Variants in TTC21B observed in about 807,000 individuals in gnomAD.
TTC21B encodes tetratricopeptide repeat domain 21B, also known as tetratricopeptide repeat protein 21B.
Under a neutral mutation model 175.1 loss-of-function variants are expected in TTC21B, and 127 were observed. The observed-to-expected ratio is 0.73, with a 90% CI of 0.63 to 0.84. The LOEUF (loss-of-function observed/expected upper bound fraction) is 0.84. Among genes scored for constraint, TTC21B ranks in the 40% least tolerant of loss-of-function variants. TTC21B has a pLI of 0.00. For synonymous variants in TTC21B, 524 were observed against 524.5 expected (o/e 1.00, Z 0.01); for missense variants, 1,561 against 1,558.3 (o/e 1.00, Z -0.03).
At chr2:165,918,651 G>A (rs1003337955) in intron 13 of TTC21B, among the ~76,000 whole-genome samples, 2 of 152,094 alleles carry the variant, frequency 1.3e-5, no homozygotes, top group Non-Finnish European at 2.9e-5. Flanking sequence ...TCTTAACAGG[G>A]TCCATGACCC....
intron 24 of TTC21B, 133 bp downstream of exon 24, chr2:165,890,346 A>G: frequency 1.3e-6 from 1 of 785,568 alleles, no homozygotes; most frequent in Non-Finnish European, 2.1e-6. Flanking sequence ...AGGCAATGAA[A>G]TGCCTATTTA....
intron 26 of TTC21B, 143 bp downstream of exon 26, chr2:165,883,651 T>C: frequency 1.4e-6 from 1 of 700,042 alleles, no homozygotes; most frequent in Non-Finnish European, 2.4e-6. Context: ...TTAATGCTTG[T>C]TTCCTGATTG....
At chr2:165,875,136 T>G (rs559113839) in intron 28 of TTC21B, among the ~76,000 whole-genome samples, 5 of 152,290 alleles carry the variant, frequency 3.3e-5, no homozygotes, top group African/African-American at 1.2e-4. Context: ...TTTTTGTAAT[T>G]TAGCTTTTCA....
chr2:165,889,915 G>C (rs1374842076), intron 24 of TTC21B, among the ~76,000 whole-genome samples: 1 of 152,070 alleles, frequency 6.6e-6, no homozygotes, highest in African/African-American at 2.4e-5. Flanking sequence ...CCTTGCCTGA[G>C]TCAGAAGAGA....
intron 22 of TTC21B, among the ~76,000 whole-genome samples, chr2:165,895,987 T>C (rs1211758121): frequency 1.3e-5 from 2 of 152,226 alleles, no homozygotes; most frequent in African/African-American, 4.8e-5. Flanking sequence ...GGATATTTTA[T>C]TTTTAAATAC....
intron 22 of TTC21B, among the ~76,000 whole-genome samples, chr2:165,891,713 G>GA (rs1685201887): frequency 6.6e-6 from 1 of 151,502 alleles, no homozygotes; most frequent in South Asian, 2.1e-4. Context: ...TAAGCTTTGA[G>GA]AATAATTTAA....
chr2:165,898,439 T>G (rs1685444504), intron 22 of TTC21B, among the ~76,000 whole-genome samples: 1 of 152,168 alleles, frequency 6.6e-6, no homozygotes, highest in Admixed American at 6.5e-5. Flanking sequence ...GTAGTTCGAA[T>G]CAATGAATTC....
At chr2:165,896,406 C>G (rs1342618121) in intron 22 of TTC21B, among the ~76,000 whole-genome samples, 1 of 152,016 alleles carries the variant, frequency 6.6e-6, no homozygotes, top group Non-Finnish European at 1.5e-5. Context: ...ATTCTGGAAA[C>G]ACAGCAGTGA....
intron 19 of TTC21B, among the ~76,000 whole-genome samples, chr2:165,905,587 C>A (rs552508626): frequency 1.3e-5 from 2 of 152,076 alleles, no homozygotes; most frequent in East Asian, 1.9e-4. Context: ...ACTTAATTCA[C>A]CAGGAAGATA....
rs976616051 is a variant in TTC21B at position 165,874,352 on chromosome 2, T to C, written c.*403A>G. 3 of 156,364 alleles carry C rather than the reference T, an allele frequency of 1.9e-5. No individual in the cohort carries two copies. The highest frequency in any genetic ancestry group is 7.2e-5 in the African/African-American group (3 of 41,408). 9.7% of individuals were successfully genotyped at this position (156,364 alleles called of 1,614,324 possible). On this transcript the variant is annotated 3_prime_UTR_variant, in exon 29 of 29. Coordinates refer to ENST00000243344, the MANE Select transcript of TTC21B (RefSeq NM_024753.5). Reference sequence around the variant, plus strand: ...CAGATCAAGGCTCTGTCTTTAAAAATAAATAAATAAATAAAAGAATATAAC... The same window carrying C: ...CAGATCAAGGCTCTGTCTTTAAAAACAAATAAATAAATAAAAGAATATAAC...
chr2:165,943,170 T>G, intron 5 of TTC21B, 49 bp downstream of exon 5: 1 of 1,594,936 alleles, frequency 6.3e-7, no homozygotes, highest in Non-Finnish European at 8.6e-7. Flanking sequence ...TTCAAATATA[T>G]TATGAATATA....
At chr2:165,894,875 T>A (rs1005675257) in intron 22 of TTC21B, among the ~76,000 whole-genome samples, 3 of 152,144 alleles carry the variant, frequency 2.0e-5, no homozygotes, top group African/African-American at 7.2e-5. Flanking sequence ...TTTAGTAAAA[T>A]ACTATAAGTA....
chr2:165,892,559 C>T (rs1240375308), intron 22 of TTC21B, among the ~76,000 whole-genome samples: 1 of 152,146 alleles, frequency 6.6e-6, no homozygotes, highest in African/African-American at 2.4e-5. Flanking sequence ...AAAATTTTGA[C>T]ATACACTACA....
chr2:165,917,208 T>C (rs375359173), intron 14 of TTC21B, 49 bp downstream of exon 14: 42 of 1,531,636 alleles, frequency 2.7e-5, no homozygotes, highest in Non-Finnish European at 3.5e-5. Context: ...ATATATATGT[T>C]AGAATAAGAA....
chr2:165,919,451 GC>G lies in TTC21B; in HGVS notation c.1517-19del, dbSNP rs1304655465. The G allele has an allele frequency of 2.5e-6, 4 of 1,611,880 alleles. No homozygotes were observed. In the African/African-American group the frequency reaches 5.3e-5, roughly 22 times the overall value. The stretch of plus-strand genomic sequence containing the variant: ...AATATCACCTAATAAGAAAAACAAT[GC>G]ATTGTTATAATTCAAATGATTAAGA... On this transcript the variant is annotated intron_variant, in intron 12 of 28. Transcript: ENST00000243344.
At chr2:165,895,466 T>TA (rs77643612) in intron 22 of TTC21B, among the ~76,000 whole-genome samples, 149,985 of 152,288 alleles carry the variant, frequency 0.98, 73,910 homozygotes, top group Middle Eastern at 1. Context: ...TTTAATGACT[T>TA]AAAATATTCA....
intron 1 of TTC21B, among the ~76,000 whole-genome samples, chr2:165,951,745 T>G (rs900273338): frequency 7.2e-5 from 11 of 152,238 alleles, no homozygotes; most frequent in African/African-American, 2.7e-4. Flanking sequence ...ACATGGTTCC[T>G]GTCCCCCCGG....
chr2:165,877,348 T>C (rs1684696232), intron 27 of TTC21B, among the ~76,000 whole-genome samples: 1 of 152,200 alleles, frequency 6.6e-6, no homozygotes, highest in African/African-American at 2.4e-5. Flanking sequence ...TGATCTAAAA[T>C]TCACACTATT....
In TTC21B at chr2:165,924,638, C is replaced by T. The variant is rs767963660; in HGVS notation, c.1427G>A (p.Arg476His). ...TACAGTCTCCAGGACTGAGATGCAA[C>T]GCCTGAGAAGTGGACAAAGAGGTTG... ...PGQPLCPLLRRCISVLETVVR... is the reference protein window; with the variant it reads ...PGQPLCPLLRHCISVLETVVR... The change falls in exon 12 of 29, where the codon CGT (arginine) becomes CAT (histidine). Residue 476 changes from arginine (R) to histidine (H), a missense_variant. Coordinates refer to ENST00000243344, the MANE Select transcript of TTC21B (RefSeq NM_024753.5). 24 of 1,613,594 alleles carry T rather than the reference C, an allele frequency of 1.5e-5. No individual in the cohort carries two copies. In the African/African-American group the frequency reaches 2.0e-4, roughly 13 times the overall value.
Sources: allele counts gnomAD v4.1 joint callset (sites outside exome capture counted in the v4.1 genomes callset), GRCh38; gene constraint gnomAD v4.1.1; transcripts MANE v1.5; gene names NCBI Gene and HGNC (gene_info 2026-07-23, HGNC 2026-07-21).